The following CPM variants were observed in gnomAD, a reference collection of about 807,000 sequenced individuals.
The protein encoded by CPM is carboxypeptidase M, also known as renal carboxypeptidase.
A neutral mutation model predicts 46.4 loss-of-function variants in CPM; 35 were observed. The observed-to-expected ratio is 0.75, with a 90% CI of 0.58 to 1.00. The LOEUF is 1.00. CPM is among the 50% of genes least tolerant of loss of function. CPM has a pLI of 0.00. For synonymous variants in CPM, 195 were observed against 195.3 expected (o/e 1.00, Z 0.01); for missense variants, 422 against 530.4 (o/e 0.80, Z 2.01).
intron 2 of CPM, among the ~76,000 whole-genome samples, chr12:68,923,047 C>T (rs1371083273): frequency 1.3e-5 from 2 of 151,962 alleles, no homozygotes; most frequent in Non-Finnish European, 2.9e-5. Context: ...CCTGTGTAAA[C>T]CTCCCAAGTA....
chr12:68,858,549 G>A (rs1007777049), intron 8 of CPM, among the ~76,000 whole-genome samples: 3 of 152,112 alleles, frequency 2.0e-5, no homozygotes, highest in African/African-American at 4.8e-5. Flanking sequence ...TTTTATAGTA[G>A]AAAGTGTATG....
chr12:68,901,397 A>G (rs887504714), intron 2 of CPM, among the ~76,000 whole-genome samples: 2 of 152,258 alleles, frequency 1.3e-5, no homozygotes, highest in African/African-American at 4.8e-5. Context: ...CCCCAAGGTG[A>G]GGAATTCACA....
intron 1 of CPM, among the ~76,000 whole-genome samples, chr12:68,946,667 C>A (rs1888852847): frequency 6.6e-6 from 1 of 152,226 alleles, no homozygotes; most frequent in Non-Finnish European, 1.5e-5. Context: ...GAAAACATGT[C>A]ATTCCAGTCA....
intron 1 of CPM, among the ~76,000 whole-genome samples, chr12:68,952,560 T>C (rs1026940465): frequency 2.0e-5 from 3 of 152,188 alleles, no homozygotes; most frequent in African/African-American, 7.2e-5. Flanking sequence ...GGGCTCTGAG[T>C]GATCGGGCAG....
At chr12:68,870,122 A>C (rs1885625114) in intron 5 of CPM, 93 bp downstream of exon 5, 1 of 1,248,794 alleles carries the variant, frequency 8.0e-7, no homozygotes, top group African/African-American at 1.5e-5. Context: ...AGAAGTTAAG[A>C]GGGGAAGGGA....
chr12:68,876,407 C>T (rs748581808), intron 3 of CPM, among the ~76,000 whole-genome samples: 7 of 152,150 alleles, frequency 4.6e-5, no homozygotes, highest in Non-Finnish European at 7.3e-5. Flanking sequence ...TTAATTCTTC[C>T]CAACCTTAAT....
intron 1 of CPM, 88 bp from the exon 2 acceptor site, chr12:68,932,928 G>T (rs998515869): frequency 5.5e-6 from 7 of 1,266,424 alleles, no homozygotes; most frequent in South Asian, 1.3e-5. Flanking sequence ...TCCGGTCTCA[G>T]GGTCTCCCGA....
intron 3 of CPM, among the ~76,000 whole-genome samples, chr12:68,885,055 T>G (rs547242297): frequency 2.0e-5 from 3 of 152,320 alleles, no homozygotes; most frequent in African/African-American, 7.2e-5. Flanking sequence ...GCAATTCTCC[T>G]GCCTCAGCCT....
chr12:68,893,291 T>C (rs946814589), intron 2 of CPM, among the ~76,000 whole-genome samples: 14 of 152,120 alleles, frequency 9.2e-5, no homozygotes, highest in Non-Finnish European at 1.3e-4. Flanking sequence ...CTGCGATTTC[T>C]GTAGAGTTTC....
downstream of CPM, among the ~76,000 whole-genome samples, chr12:68,850,865 T>TTACATTATA (rs1884637824): frequency 1.3e-5 from 2 of 152,156 alleles, no homozygotes; most frequent in Non-Finnish European, 2.9e-5. Flanking sequence ...AAATTGTGAA[T>TTACATTATA]TTTCAAATAT....
chr12:68,871,156 AG>A (rs2066483526), intron 4 of CPM, among the ~76,000 whole-genome samples: 1 of 152,190 alleles, frequency 6.6e-6, no homozygotes, highest in South Asian at 2.1e-4. Flanking sequence ...AGCTCCTTCA[AG>A]ACCCGTTCTT....
intron 2 of CPM, among the ~76,000 whole-genome samples, chr12:68,923,464 G>A (rs1436751270): frequency 6.6e-6 from 1 of 152,002 alleles, no homozygotes; most frequent in Non-Finnish European, 1.5e-5. Context: ...CTTCAAGTGG[G>A]TCCTTAACAG....
At chr12:68,919,089 A>T (rs1887931448) in intron 2 of CPM, among the ~76,000 whole-genome samples, 1 of 152,128 alleles carries the variant, frequency 6.6e-6, no homozygotes, top group Non-Finnish European at 1.5e-5. Flanking sequence ...CATCACTTGC[A>T]CTTTGTGCAC....
chr12:68,932,879 T>G lies in CPM; in HGVS notation c.-3-39A>C, dbSNP rs180904827. ...AAAATAAGAAGAACCTGAGAACACA[T>G]GAGGGCAGGCGGGGGCATCACCAGC... On this transcript the variant is annotated intron_variant, in intron 1 of 8. Transcript: ENST00000551568. 4.5e-3 allele frequency: 7,131 copies of G among 1,595,818 alleles called. 184 individuals carry two copies. Among genetic ancestry groups the G allele is most frequent in the Admixed American group, 0.028 (1,635 of 59,332 alleles).
rs1884719705 is a variant in CPM at position 68,852,116 on chromosome 12, G to A, written c.*4321C>T. 6.6e-6 allele frequency: 1 copy of A among 152,084 alleles called. No homozygotes were observed. Among genetic ancestry groups the A allele is most frequent in the African/African-American group, 2.4e-5 (1 of 41,416 alleles). The allele number at this position is 152,084 out of a possible 1,614,324, so 9.4% of individuals were successfully genotyped here. A position where few individuals can be genotyped will look rare whatever the true frequency, so the allele number is the denominator to read the frequency against. On this transcript the variant is annotated 3_prime_UTR_variant, in exon 9 of 9. Transcript: ENST00000551568. ...AGATCACAAATGCAAATTTGCTTCT[G>A]GAACAAAACATAACATTGATTTCTT... is the stretch of plus-strand genomic sequence containing the variant.
chr12:68,932,578 G>GCA, intron 2 of CPM, 100 bp downstream of exon 2: 1 of 1,376,636 alleles, frequency 7.3e-7, no homozygotes, highest in South Asian at 1.3e-5. Context: ...GCCACTCAGA[G>GCA]TAGGTGCGTG....
intron 2 of CPM, 85 bp from the exon 3 acceptor site, chr12:68,885,974 G>T: frequency 8.9e-7 from 1 of 1,126,598 alleles, no homozygotes. Flanking sequence ...GAAACAGGAT[G>T]CTGCTTCCCC....
At chr12:68,940,766 C>A (rs1193958665) in intron 1 of CPM, among the ~76,000 whole-genome samples, 1 of 151,912 alleles carries the variant, frequency 6.6e-6, no homozygotes, top group Non-Finnish European at 1.5e-5. Flanking sequence ...AATTGGGTTG[C>A]AAATTTTTCT....
intron 3 of CPM, 114 bp from the exon 4 acceptor site, chr12:68,872,070 A>G (rs1885725956): frequency 1.9e-6 from 2 of 1,046,800 alleles, no homozygotes; most frequent in Non-Finnish European, 1.4e-6. Flanking sequence ...CTCAGACCCA[A>G]ACTAGTTTGT....
Sources: gnomAD v4.1 joint callset for allele counts (sites outside exome capture counted in the v4.1 genomes callset) on GRCh38, gnomAD v4.1.1 for gene constraint, MANE v1.5 for transcripts, NCBI Gene and HGNC (gene_info 2026-07-23, HGNC 2026-07-21) for gene names.